MAP2K1: variants seen among roughly 807,000 people sequenced by gnomAD.
The protein encoded by MAP2K1 is mitogen-activated protein kinase kinase 1, also known as dual specificity mitogen-activated protein kinase kinase 1.
A neutral mutation model predicts 46.3 loss-of-function variants in MAP2K1; 16 were observed. That is an observed-to-expected ratio of 0.35 (90% confidence interval 0.23 to 0.52). The LOEUF is 0.52. MAP2K1 is among the 20% of genes least tolerant of loss of function. The pLI is 0.94. For synonymous variants in MAP2K1, 183 were observed against 185.6 expected, an observed-to-expected ratio of 0.99 and a Z score of 0.11; for missense variants, 263 against 497.1, an observed-to-expected ratio of 0.53 and a Z score of 4.48.
intron 5 of MAP2K1, among the ~76,000 whole-genome samples, chr15:66,458,668 T>C (rs976125590): frequency 6.6e-6 from 1 of 152,182 alleles, no homozygotes; most frequent in Non-Finnish European, 1.5e-5. Context: ...AAATATGTGC[T>C]ATCATGCCTG....
intron 1 of MAP2K1, among the ~76,000 whole-genome samples, chr15:66,399,182 TACAC>T (rs989049903): frequency 7.2e-5 from 11 of 152,202 alleles, no homozygotes; most frequent in African/African-American, 2.7e-4. Context: ...AACTCAAACA[TACAC>T]AAACAGTGGA....
chr15:66,446,724 G>T, intron 5 of MAP2K1: 1 of 349,070 alleles, frequency 2.9e-6, no homozygotes, highest in Admixed American at 2.9e-5. Flanking sequence ...GCTCCCATTG[G>T]TTCCGGATAC....
intron 5 of MAP2K1, among the ~76,000 whole-genome samples, chr15:66,466,948 T>TA (rs1892483428): frequency 6.6e-6 from 1 of 152,050 alleles, no homozygotes; most frequent in African/African-American, 2.4e-5. Context: ...GAGCACCTGT[T>TA]AGAGTTTTAT....
intron 1 of MAP2K1, among the ~76,000 whole-genome samples, chr15:66,389,953 T>C (rs1402644798): frequency 5.9e-5 from 9 of 152,198 alleles, no homozygotes; most frequent in African/African-American, 2.2e-4. Flanking sequence ...TAGAACCTAC[T>C]TAGCATAGTT....
At chr15:66,479,097 C>CTT (rs768466279) in intron 5 of MAP2K1, among the ~76,000 whole-genome samples, 8 of 144,064 alleles carry the variant, frequency 5.6e-5, no homozygotes, top group African/African-American at 1.5e-4. Flanking sequence ...CCTTAGCCTT[C>CTT]TTTTTTTTTT....
chr15:66,487,182 G>C, intron 7 of MAP2K1, 46 bp from the exon 8 acceptor site: 1 of 1,542,668 alleles, frequency 6.5e-7, no homozygotes, highest in Non-Finnish European at 9.0e-7. Flanking sequence ...ATATTAACAA[G>C]TAATCTGTTT....
At chr15:66,474,266 C>T (rs1892706162) in intron 5 of MAP2K1, among the ~76,000 whole-genome samples, 1 of 152,136 alleles carries the variant, frequency 6.6e-6, no homozygotes, top group South Asian at 2.1e-4. Context: ...TTGTTAGGAC[C>T]TGGCAGGCAT....
At chr15:66,393,182 CTT>C (rs34725770) in intron 1 of MAP2K1, among the ~76,000 whole-genome samples, 6 of 143,978 alleles carry the variant, frequency 4.2e-5, no homozygotes, top group Non-Finnish European at 3.1e-5. Context: ...TTCTCTCTCT[CTT>C]TTTTTTTTTT....
At chr15:66,401,878 C>A in intron 1 of MAP2K1, 1 of 791,686 alleles carries the variant, frequency 1.3e-6, no homozygotes, top group Non-Finnish European at 2.0e-6. Flanking sequence ...CTGGGATGTG[C>A]AGAGAAGCCA....
chr15:66,462,520 T>C (rs924260063), intron 5 of MAP2K1, among the ~76,000 whole-genome samples: 12 of 143,812 alleles, frequency 8.3e-5, no homozygotes, highest in African/African-American at 2.9e-4. Context: ...AAAAAAAGAT[T>C]GGTAAAAAAA....
Position 66,405,797 on chromosome 15 carries a change from T to C in MAP2K1, c.80+18370T>C, listed in dbSNP as rs202150689. Among the ~76,000 whole-genome samples the C allele has an allele frequency of 7.9e-5, 12 of 152,338 alleles. No individual in the cohort carries two copies. The East Asian group carries it at 1.9e-3, about 24-fold the overall frequency. On this transcript the variant is annotated intron_variant, in intron 1 of 10. Transcript: ENST00000307102. ...TTTCCCCAAAGGAAATGAAATATAT[T>C]TGTTGGAAAGGAATTCCATTCTTAA... is the stretch of plus-strand genomic sequence containing the variant.
At position 66,489,362 on chromosome 15, in the gene MAP2K1, C is replaced by T. The variant is rs1215560467; in HGVS notation, c.1022+86C>T. The T allele has an allele frequency of 2.3e-6, 3 of 1,296,934 alleles. No homozygotes were observed. In the East Asian group the frequency reaches 6.9e-5, roughly 30 times the overall value. 80.3% of individuals were successfully genotyped at this position (1,296,934 alleles called of 1,614,324 possible). On this transcript the variant is annotated intron_variant, in intron 9 of 10. Coordinates refer to ENST00000307102, the MANE Select transcript of MAP2K1 (RefSeq NM_002755.4). ...ATTTCTGGAAGCACCAGCATTGCTT[C>T]TGCAGGCAGAGTTTTGCCCTTTACC...
At chr15:66,398,100 T>TAA (rs879672695) in intron 1 of MAP2K1, among the ~76,000 whole-genome samples, 19 of 140,604 alleles carry the variant, frequency 1.4e-4, no homozygotes, top group Non-Finnish European at 2.0e-4. Flanking sequence ...AGATTCCATC[T>TAA]AAAAAAAAAA....
At chr15:66,410,627 C>A (rs2093409049) in intron 1 of MAP2K1, among the ~76,000 whole-genome samples, 1 of 151,998 alleles carries the variant, frequency 6.6e-6, no homozygotes. Context: ...CTTGAAAAAA[C>A]TTCTCATTTG....
intron 5 of MAP2K1, among the ~76,000 whole-genome samples, chr15:66,469,775 T>TA (rs1469268353): frequency 6.9e-5 from 10 of 145,074 alleles, no homozygotes; most frequent in African/African-American, 2.3e-4. Context: ...TGAGCTCCTT[T>TA]AAAAAAATCT....
At chr15:66,487,175 T>G in intron 7 of MAP2K1, 53 bp from the exon 8 acceptor site, 1 of 1,515,758 alleles carries the variant, frequency 6.6e-7, no homozygotes, top group East Asian at 2.3e-5. Context: ...TTGCCTCATA[T>G]TAACAAGTAA....
At chr15:66,422,945 A>G (rs901228857) in intron 1 of MAP2K1, among the ~76,000 whole-genome samples, 4 of 151,326 alleles carry the variant, frequency 2.6e-5, no homozygotes, top group African/African-American at 9.7e-5. Flanking sequence ...AGTTTGGTTA[A>G]TTTCTTTTTT....
chr15:66,472,089 A>AAAAG (rs1555419533), intron 5 of MAP2K1, among the ~76,000 whole-genome samples: 1 of 150,726 alleles, frequency 6.6e-6, no homozygotes, highest in African/African-American at 2.4e-5. Context: ...AAAAAAAAAA[A>AAAAG]AAAAGATGCT....
Position 66,475,927 on chromosome 15 carries a change from AC to A in MAP2K1, c.569-5826del, listed in dbSNP as rs1422303323. Among the ~76,000 whole-genome samples the A allele has an allele frequency of 7.2e-5, 11 of 152,218 alleles. 1 individual carries two copies. Among genetic ancestry groups the A allele is most frequent in the African/African-American group, 2.7e-4 (11 of 41,456 alleles). On this transcript the variant is annotated intron_variant, in intron 5 of 10. Transcript: ENST00000307102. ...ACTCCCTAAATTGTTTTATCCAAAC[AC>A]CTTATTTTAGAGGGGTAGAAAATAC... is the stretch of plus-strand genomic sequence containing the variant.
Sources: allele counts gnomAD v4.1 joint callset (sites outside exome capture counted in the v4.1 genomes callset), GRCh38; gene constraint gnomAD v4.1.1; transcripts MANE v1.5; gene names NCBI Gene and HGNC (gene_info 2026-07-23, HGNC 2026-07-21).